SCAI: variants seen among roughly 807,000 people sequenced by gnomAD.
SCAI encodes the protein suppressor of cancer cell invasion.
In SCAI, 24 loss-of-function variants were observed where a neutral mutation model predicts 92.2. The observed-to-expected ratio is 0.26, with a 90% CI of 0.19 to 0.37. The LOEUF (loss-of-function observed/expected upper bound fraction) is 0.37, where lower values mean the gene tolerates loss of function less well. Among genes scored for constraint, SCAI ranks in the 10% least tolerant of loss-of-function variants. The pLI is 1.00. For missense variants in SCAI, 450 were observed against 736.2 expected (o/e 0.61, Z 4.50); for synonymous variants, 261 against 258.6 (o/e 1.01, Z -0.09).
intron 2 of SCAI, among the ~76,000 whole-genome samples, chr9:125,121,236 C>A (rs553364583): frequency 6.7e-6 from 1 of 149,846 alleles, no homozygotes; most frequent in South Asian, 2.1e-4. Flanking sequence ...AGCTAAGCCA[C>A]CTGCATCCTG....
intron 2 of SCAI, among the ~76,000 whole-genome samples, chr9:125,108,607 TCTGAGAAGTGAGGAGCCCCTCC>T (rs1834863673): frequency 3.5e-5 from 5 of 142,592 alleles, no homozygotes; most frequent in Admixed American, 1.4e-4. Flanking sequence ...AGCCGCCCCG[TCTGAGAAGTGAGGAGCCCCTCC>T]GCCCGGCAGC....
At chr9:125,002,228 A>C (rs138490323) in intron 11 of SCAI, among the ~76,000 whole-genome samples, 185 bp from the exon 12 acceptor site, 21 of 152,300 alleles carry the variant, frequency 1.4e-4, no homozygotes, top group African/African-American at 5.1e-4. Flanking sequence ...ATTCATTATT[A>C]ATCTATATTG....
intron 2 of SCAI, among the ~76,000 whole-genome samples, chr9:125,094,586 C>T (rs1273413480): frequency 2.0e-5 from 3 of 152,194 alleles, no homozygotes; most frequent in Non-Finnish European, 4.4e-5. Flanking sequence ...ACTGAAGCCT[C>T]GACCTCCTGG....
At chr9:125,026,652 A>G (rs1399229717) in intron 6 of SCAI, among the ~76,000 whole-genome samples, 160 bp downstream of exon 6, 3 of 152,202 alleles carry the variant, frequency 2.0e-5, no homozygotes, top group African/African-American at 7.2e-5. Context: ...GGTAACATAA[A>G]CTTCTCTATG....
intron 3 of SCAI, among the ~76,000 whole-genome samples, chr9:125,033,153 C>A (rs2042276838): frequency 6.6e-6 from 1 of 151,314 alleles, no homozygotes; most frequent in African/African-American, 2.4e-5. Flanking sequence ...TGCTTGAGAC[C>A]AGGGGTTTAA....
chr9:125,050,015 C>T (rs934904352), intron 3 of SCAI, among the ~76,000 whole-genome samples: 128 of 149,120 alleles, frequency 8.6e-4, no homozygotes, highest in African/African-American at 2.9e-3. Flanking sequence ...AAGTTTAAGA[C>T]ACAGTACATG....
intron 2 of SCAI, among the ~76,000 whole-genome samples, chr9:125,090,014 C>T (rs902555206): frequency 3.3e-5 from 5 of 152,134 alleles, no homozygotes; most frequent in African/African-American, 1.2e-4. Flanking sequence ...TTCTCAATTA[C>T]CCACACCTAG....
intron 14 of SCAI, among the ~76,000 whole-genome samples, chr9:124,982,473 A>C (rs1831905966): frequency 6.6e-6 from 1 of 152,074 alleles, no homozygotes; most frequent in African/African-American, 2.4e-5. Flanking sequence ...GGAGTTCGAC[A>C]CCAGCCTGGC....
At chr9:125,119,771 G>A (rs1050721496) in intron 2 of SCAI, among the ~76,000 whole-genome samples, 15 of 152,182 alleles carry the variant, frequency 9.9e-5, no homozygotes, top group African/African-American at 3.6e-4. Context: ...GCACTCATTA[G>A]GGCACTGTGA....
intron 17 of SCAI, among the ~76,000 whole-genome samples, chr9:124,962,464 A>C (rs1483936008): frequency 6.6e-6 from 1 of 151,970 alleles, no homozygotes; most frequent in Non-Finnish European, 1.5e-5. Flanking sequence ...CCCGGTCTGT[A>C]AGTATGTCTT....
chr9:125,110,129 G>A (rs762315363), intron 2 of SCAI, among the ~76,000 whole-genome samples: 1 of 152,142 alleles, frequency 6.6e-6, no homozygotes, highest in East Asian at 1.9e-4. Context: ...TTAAACATAC[G>A]TATTATGTTG....
In SCAI at chr9:125,037,717, C is replaced by T. The variant is rs191775276; in HGVS notation, c.231-7978G>A. On this transcript the variant is annotated intron_variant, in intron 3 of 17. Coordinates refer to ENST00000336505, the MANE Select transcript of SCAI (RefSeq NM_001144877.3). Reference sequence around the variant, plus strand: ...ATCATTTGAGGTCAGGAGTTTGAGACCAGCCTGACCAACATGGTGAAAACC... The same window carrying T: ...ATCATTTGAGGTCAGGAGTTTGAGATCAGCCTGACCAACATGGTGAAAACC... Among the ~76,000 whole-genome samples the T allele has an allele frequency of 4.2e-3, 639 of 151,974 alleles. 3 individuals are homozygous for T. The highest frequency in any genetic ancestry group is 7.0e-3 in the Non-Finnish European group (479 of 67,952).
intron 2 of SCAI, among the ~76,000 whole-genome samples, chr9:125,094,520 G>C (rs372706720): frequency 1.3e-5 from 2 of 152,210 alleles, no homozygotes; most frequent in South Asian, 4.2e-4. Context: ...ATTTATCTTT[G>C]AGACAAACTC....
At chr9:125,072,477 G>C (rs2131164810) in intron 2 of SCAI, among the ~76,000 whole-genome samples, 1 of 152,248 alleles carries the variant, frequency 6.6e-6, no homozygotes, top group African/African-American at 2.4e-5. Context: ...ATTGAAAAAT[G>C]TAGAAAATAG....
At chr9:125,070,204 G>C (rs952841281) in intron 2 of SCAI, among the ~76,000 whole-genome samples, 9 of 152,042 alleles carry the variant, frequency 5.9e-5, no homozygotes, top group Admixed American at 1.3e-4. Flanking sequence ...TATATGTGAG[G>C]GGTGATGATG....
chr9:125,008,552 T>C (rs1832564543), intron 9 of SCAI, among the ~76,000 whole-genome samples: 1 of 152,022 alleles, frequency 6.6e-6, no homozygotes, highest in Non-Finnish European at 1.5e-5. Flanking sequence ...AAAGACAATA[T>C]GTGAAATATG....
intron 13 of SCAI, among the ~76,000 whole-genome samples, chr9:124,997,119 G>A (rs1832253937): frequency 6.6e-6 from 1 of 152,114 alleles, no homozygotes; most frequent in Middle Eastern, 3.4e-3. Flanking sequence ...TGCCATACAG[G>A]TTCAGTATTC....
chr9:124,994,314 C>G (rs576011750), intron 14 of SCAI, among the ~76,000 whole-genome samples: 4 of 152,168 alleles, frequency 2.6e-5, no homozygotes, highest in African/African-American at 9.7e-5. Context: ...GGATTACAGG[C>G]GTGAGCCACT....
rs376572182 is a variant in SCAI at position 125,075,467 on chromosome 9, C to T, written c.99-19460G>A. ...TTACTCTGTCAGTGGCATGATCTCC[C>T]GGCTCACTGCAACCTCTGCTCCCAG... is the stretch of plus-strand genomic sequence containing the variant. On this transcript the variant is annotated intron_variant, in intron 2 of 17. Transcript: ENST00000336505. 9.7e-4 allele frequency among the ~76,000 whole-genome samples: 147 copies of T among 151,718 alleles called. 4 individuals are homozygous for T. In the South Asian group the frequency reaches 0.029, roughly 30 times the overall value.
Sources: allele counts gnomAD v4.1 joint callset (sites outside exome capture counted in the v4.1 genomes callset), GRCh38; gene constraint gnomAD v4.1.1; transcripts MANE v1.5; gene names NCBI Gene and HGNC (gene_info 2026-07-23, HGNC 2026-07-21).